The following LZTS2 variants were observed in gnomAD, a reference collection of about 807,000 sequenced individuals.
LZTS2 encodes the protein leucine zipper putative tumor suppressor 2.
A neutral mutation model predicts 60.6 loss-of-function variants in LZTS2; 32 were observed. The observed-to-expected ratio is 0.53, with a 90% CI of 0.40 to 0.71. LZTS2 has a LOEUF of 0.71. Among genes scored for constraint, LZTS2 ranks in the 30% least tolerant of loss-of-function variants. The pLI is 0.00. For missense variants in LZTS2, 792 were observed against 901.9 expected, an observed-to-expected ratio of 0.88 and a Z score of 1.56; for synonymous variants, 360 against 393.1, an observed-to-expected ratio of 0.92 and a Z score of 1.00.
exon 4 of LZTS2, chr10:101,007,700 A>T: frequency 9.7e-7 from 1 of 1,030,178 alleles, no homozygotes; most frequent in East Asian, 1.1e-4. Flanking sequence ...TGTCTTGTTT[A>T]TTTGTGTTTG....
chr10:101,006,581 C>T (rs868429289), exon 4 of LZTS2: 11 of 1,609,918 alleles, frequency 6.8e-6, no homozygotes, highest in South Asian at 1.1e-5. Context: ...GGTGGCTCTG[C>T]GGGTGGCGCT....
chr10:101,002,367 A>G, exon 1 of LZTS2: 1 of 543,268 alleles, frequency 1.8e-6, no homozygotes, highest in Non-Finnish European at 3.0e-6. Flanking sequence ...GATTCATTCC[A>G]GCACTTGAAG....
At chr10:101,003,412 G>A (rs1852089235) in intron 1 of LZTS2, 95 bp from the exon 3 acceptor site, 4 of 1,315,360 alleles carry the variant, frequency 3.0e-6, no homozygotes, top group Non-Finnish European at 3.1e-6. Context: ...GAATATATGG[G>A]CACTGGGGAC....
At chr10:101,006,348 A>G (rs1852194264) in intron 3 of LZTS2, 137 bp from the exon 5 acceptor site, 7 of 1,416,388 alleles carry the variant, frequency 4.9e-6, no homozygotes, top group Non-Finnish European at 6.5e-6. Context: ...ATGTCACTAG[A>G]CTTGCTTTAG....
exon 1 of LZTS2, chr10:101,002,617 G>A: frequency 1.3e-6 from 2 of 1,594,426 alleles, no homozygotes; most frequent in East Asian, 2.2e-5. Context: ...TCCAGTCATG[G>A]GTAGTGTGAG....
At position 101,004,068 on chromosome 10, in the gene LZTS2, C is replaced by G. The variant is rs768897493; in HGVS notation, c.970C>G (p.Leu324Val). 5.6e-6 allele frequency: 9 copies of G among 1,613,264 alleles called. No individual in the cohort carries two copies. Among genetic ancestry groups the G allele is most frequent in the Non-Finnish European group, 7.6e-6 (9 of 1,180,030 alleles). ...GCCTCCACCTCCTTCGGATGAGGCC[C>G]TGCTGCACTGTGTCCTGGAAGGAAA... The change falls in exon 2 of 4, where the codon CTG becomes GTG. Residue 324 changes from leucine (L) to valine (V), a missense_variant. By Grantham distance (32) the Leu-to-Val change is conservative. Transcript: ENST00000370220.
chr10:101,006,936 G>C (rs900315360), exon 4 of LZTS2: 8 of 1,539,098 alleles, frequency 5.2e-6, no homozygotes, highest in Non-Finnish European at 7.0e-6. Flanking sequence ...GAGGAGCAGC[G>C]GGACAGCTTT....
chr10:101,002,828 CAG>C lies in LZTS2; in HGVS notation c.293_294del (p.Glu98ValfsTer8), dbSNP rs757438094. On this transcript the variant is annotated frameshift_variant, in exon 1 of 4. Transcript: ENST00000370220. LOFTEE classifies it high-confidence loss of function. ...ACCTACATCAATGAGGACTTCCGGA[CAG>C]AGTCACCCCCCAGCCCAAGCAGTGA... The C allele has an allele frequency of 1.9e-6, 3 of 1,613,766 alleles. No homozygotes were observed. The African/African-American group carries it at 4.0e-5, about 22-fold the overall frequency.
rs753812987 is a variant in LZTS2 at position 101,007,137 on chromosome 10, G to A, written c.1979G>A (p.Cys660Tyr). ...CTGGCCGAGCAGGCCCCCTGCATCT[G>A]CCTGGAGGAGATCACTGCTACTGAG... Residue 660 changes from cysteine (C) to tyrosine (Y), a missense_variant, in exon 4 of 4, where the codon TGC becomes TAC. Coordinates refer to ENST00000370220, the Ensembl canonical transcript of LZTS2. 3 of 1,603,370 alleles carry A rather than the reference G, an allele frequency of 1.9e-6. No individual in the cohort carries two copies. The highest frequency in any genetic ancestry group is 3.4e-5 in the Admixed American group (2 of 59,100).
rs41291476 is a variant in LZTS2, at chr10:101,002,787, C to T, written c.249C>T (p.Val83=). The stretch of plus-strand genomic sequence containing the variant: ...CAGCTGTGCCCCCTAGGAAGGCTGT[C>T]CCTGTCACCAGCTTCACCTACATCA... The change falls in exon 1 of 4, where the codon GTC becomes GTT. Residue 83 remains valine, a synonymous_variant. Coordinates refer to ENST00000370220, the Ensembl canonical transcript of LZTS2. 1.7e-3 allele frequency: 2,696 copies of T among 1,613,766 alleles called. 5 individuals carry two copies. The highest frequency in any genetic ancestry group is 3.8e-3 in the Admixed American group (230 of 60,016).
exon 4 of LZTS2, chr10:101,007,097 C>T (rs1852234127): frequency 6.2e-7 from 1 of 1,610,980 alleles, no homozygotes; most frequent in Non-Finnish European, 8.5e-7. Flanking sequence ...GGCCCGGGAG[C>T]TCGCTGACCT....
intron 2 of LZTS2, among the ~76,000 whole-genome samples, chr10:101,004,552 G>A (rs552725542): frequency 1.3e-5 from 2 of 152,330 alleles, no homozygotes; most frequent in Admixed American, 6.5e-5. Flanking sequence ...ACAATGGACT[G>A]ACATTCCACC....
At chr10:101,006,854 G>T in exon 4 of LZTS2, 1 of 1,534,190 alleles carries the variant, frequency 6.5e-7, no homozygotes. Context: ...GGCAGCAGCC[G>T]GGGTTGGGGG....
chr10:101,007,294 T>A (rs1852242770), exon 4 of LZTS2: 2 of 1,422,900 alleles, frequency 1.4e-6, no homozygotes, highest in East Asian at 5.1e-5. Context: ...TCTCCTAGGA[T>A]CCAGGCCTCT....
chr10:101,003,659 CTCCTCCTCCTCCTCT>C, exon 2 of LZTS2: 2 of 1,597,068 alleles, frequency 1.3e-6, no homozygotes, highest in Non-Finnish European at 1.7e-6. Context: ...GGGGCCCTGC[CTCCTCCTCCTCCTCT>C]TCCTCCTCCT....
exon 4 of LZTS2, chr10:101,007,591 G>A (rs1378952008): frequency 1.0e-5 from 13 of 1,287,638 alleles, no homozygotes; most frequent in African/African-American, 1.5e-5. Flanking sequence ...CCACATTGGG[G>A]GACAGGGCCG....
rs779498474 is a variant in LZTS2, at chr10:101,006,742, G to A, written c.1584G>A (p.Gly528=). The A allele has an allele frequency of 1.9e-6, 3 of 1,592,532 alleles. No individual in the cohort carries two copies. The Admixed American group carries it at 5.2e-5, about 28-fold the overall frequency. Residue 528 remains glycine (G), a synonymous_variant, in exon 4 of 4, where the codon GGG becomes GGA. Coordinates refer to ENST00000370220, the Ensembl canonical transcript of LZTS2. ...CTGAGCAGCTGCGGGAGAAAGCTGG[G>A]CAGTTGGATGCTGAGGCGGCCGGAC...
chr10:101,004,790 G>A (rs539128891), intron 2 of LZTS2, among the ~76,000 whole-genome samples: 6 of 152,322 alleles, frequency 3.9e-5, no homozygotes, highest in Admixed American at 2.0e-4. Context: ...GGCAAAAGGT[G>A]TAAAGTGATT....
At chr10:101,007,101 C>G in exon 4 of LZTS2, 1 of 1,611,368 alleles carries the variant, frequency 6.2e-7, no homozygotes, top group Non-Finnish European at 8.5e-7. Flanking sequence ...CGGGAGCTCG[C>G]TGACCTGGGC....
Sources: gnomAD v4.1 joint callset for allele counts (sites outside exome capture counted in the v4.1 genomes callset) on GRCh38, gnomAD v4.1.1 for gene constraint, MANE v1.5 for transcripts, NCBI Gene and HGNC (gene_info 2026-07-23, HGNC 2026-07-21) for gene names.